The following SND1 variants were observed in gnomAD, a reference collection of about 807,000 sequenced individuals.
The protein encoded by SND1 is staphylococcal nuclease domain-containing protein 1.
In SND1, 38 loss-of-function variants were observed where a neutral mutation model predicts 121.7. That is an observed-to-expected ratio of 0.31 (90% CI 0.24 to 0.41). The LOEUF is 0.41. SND1 is among the 10% of genes least tolerant of loss of function. The pLI is 1.00. For synonymous variants in SND1, 401 were observed against 447.4 expected (o/e 0.90, Z 1.31); for missense variants, 868 against 1,184.6 (o/e 0.73, Z 3.92).
rs373841192 is a variant in SND1 at position 128,081,345 on chromosome 7, C to G, written c.1969-15C>G. 3.1e-6 allele frequency: 5 copies of G among 1,613,726 alleles called. No individual in the cohort carries two copies. The highest frequency in any genetic ancestry group is 4.2e-6 in the Non-Finnish European group (5 of 1,179,912). On this transcript the variant is annotated splice_polypyrimidine_tract_variant and intron_variant, in intron 17 of 23. Coordinates refer to ENST00000354725, the MANE Select transcript of SND1 (RefSeq NM_014390.4). ...TTCCTCGCCCTCTTCTCACCTCTGC[C>G]GACTGAACATGCAGGTCTGGGCCCA...
chr7:127,914,753 T>G (rs764727033), intron 14 of SND1, among the ~76,000 whole-genome samples: 1 of 152,158 alleles, frequency 6.6e-6, no homozygotes, highest in Non-Finnish European at 1.5e-5. Context: ...TCTTCTAGAA[T>G]ATAGTGGCAG....
At chr7:127,917,823 A>G (rs1224334211) in intron 14 of SND1, among the ~76,000 whole-genome samples, 1 of 152,244 alleles carries the variant, frequency 6.6e-6, no homozygotes, top group African/African-American at 2.4e-5. Flanking sequence ...TCACAGAGCA[A>G]ATTTCACATG....
intron 1 of SND1, among the ~76,000 whole-genome samples, chr7:127,671,261 A>C (rs1795512530): frequency 6.6e-6 from 1 of 152,202 alleles, no homozygotes; most frequent in Non-Finnish European, 1.5e-5. Flanking sequence ...ACTTTGAGAA[A>C]AGTTAGAATA....
At chr7:127,670,884 T>A (rs1400724432) in intron 1 of SND1, among the ~76,000 whole-genome samples, 1 of 151,858 alleles carries the variant, frequency 6.6e-6, no homozygotes, top group Non-Finnish European at 1.5e-5. Context: ...AAAAGGGATA[T>A]CTTTAAAACC....
chr7:127,851,687 C>A (rs972969022), intron 12 of SND1, among the ~76,000 whole-genome samples: 2 of 152,126 alleles, frequency 1.3e-5, no homozygotes, highest in Non-Finnish European at 2.9e-5. Flanking sequence ...GAAATTATTT[C>A]TATGCTTATA....
chr7:127,994,865 C>T (rs1802609373), intron 16 of SND1, among the ~76,000 whole-genome samples: 1 of 152,060 alleles, frequency 6.6e-6, no homozygotes, highest in South Asian at 2.1e-4. Context: ...GCCTGCACCA[C>T]CATGCTCGGC....
intron 10 of SND1, among the ~76,000 whole-genome samples, chr7:127,804,369 T>G (rs565714648): frequency 6.6e-6 from 1 of 152,324 alleles, no homozygotes; most frequent in African/African-American, 2.4e-5. Flanking sequence ...TGAAGGTGCC[T>G]TGTTTTTTAT....
chr7:128,059,086 C>T (rs1793189877), intron 16 of SND1, among the ~76,000 whole-genome samples: 1 of 152,214 alleles, frequency 6.6e-6, no homozygotes, highest in Non-Finnish European at 1.5e-5. Context: ...CCTTCTTCTA[C>T]CCTGCCACTT....
chr7:127,653,019 G>A (rs1415381083), intron 1 of SND1, among the ~76,000 whole-genome samples: 1 of 152,166 alleles, frequency 6.6e-6, no homozygotes, highest in African/African-American at 2.4e-5. Context: ...AGGCCGGCAA[G>A]AATCTTAGTA....
At chr7:127,773,218 C>T (rs531566907) in intron 10 of SND1, among the ~76,000 whole-genome samples, 1 of 152,288 alleles carries the variant, frequency 6.6e-6, no homozygotes, top group East Asian at 1.9e-4. Flanking sequence ...CTTTGGGAGG[C>T]CGAGGCGGGC....
rs1803205672 is a variant in SND1 at position 128,015,448 on chromosome 7, T to C, written c.1779+24392T>C. On this transcript the variant is annotated intron_variant, in intron 16 of 23. Coordinates refer to ENST00000354725, the MANE Select transcript of SND1 (RefSeq NM_014390.4). The surrounding 1 kb of genome is among the most constrained non-coding windows in gnomAD (Gnocchi z 4.5). ...ACCCACTTTGCTCCCTAAGTATTTA[T>C]AGGAGCTGAGAGTCAAAAAAGCACA... 6.6e-6 allele frequency among the ~76,000 whole-genome samples: 1 copy of C among 151,066 alleles called. No homozygotes were observed.
At chr7:127,710,804 A>G (rs1587612553) in intron 9 of SND1, among the ~76,000 whole-genome samples, 1 of 152,150 alleles carries the variant, frequency 6.6e-6, no homozygotes, top group East Asian at 1.9e-4. Flanking sequence ...GTTTTTTCAC[A>G]TAAGCACACA....
chr7:127,860,187 TGTGTGTCTTCTTGGTA>T (rs1278699132), intron 12 of SND1, among the ~76,000 whole-genome samples: 1 of 152,178 alleles, frequency 6.6e-6, no homozygotes, highest in African/African-American at 2.4e-5. Flanking sequence ...GCTTCCTTAA[TGTGTGTCTTCTTGGTA>T]ATGTAAAATT....
At chr7:128,056,404 C>T (rs573004540) in intron 16 of SND1, among the ~76,000 whole-genome samples, 1 of 152,212 alleles carries the variant, frequency 6.6e-6, no homozygotes, top group African/African-American at 2.4e-5. Context: ...GAAAAAAGGG[C>T]CTTGTTTCTC....
intron 10 of SND1, among the ~76,000 whole-genome samples, chr7:127,749,319 C>A (rs1295787611): frequency 6.6e-6 from 1 of 152,110 alleles, no homozygotes; most frequent in African/African-American, 2.4e-5. Flanking sequence ...ATACTTCTAG[C>A]CTTACGAAGA....
intron 11 of SND1, among the ~76,000 whole-genome samples, chr7:127,812,296 G>C (rs572013678): frequency 6.6e-6 from 1 of 152,312 alleles, no homozygotes; most frequent in Admixed American, 6.5e-5. Flanking sequence ...GCTATCAGGA[G>C]GTGGTAATAG....
At chr7:127,787,444 C>T (rs1797832713) in intron 10 of SND1, among the ~76,000 whole-genome samples, 1 of 152,106 alleles carries the variant, frequency 6.6e-6, no homozygotes, top group Non-Finnish European at 1.5e-5. Flanking sequence ...ACTATGTTGC[C>T]CAGGCTGGTC....
chr7:127,752,936 C>G (rs903017707), intron 10 of SND1, among the ~76,000 whole-genome samples: 6 of 152,234 alleles, frequency 3.9e-5, no homozygotes, highest in Non-Finnish European at 8.8e-5. Flanking sequence ...TATACTAATT[C>G]TGCCTCCTTG....
In SND1 at chr7:127,733,264, A is replaced by G. The variant is rs577134369; in HGVS notation, c.1152+11864A>G. 5.9e-5 allele frequency among the ~76,000 whole-genome samples: 9 copies of G among 152,262 alleles called. No homozygotes were observed. The South Asian group carries it at 1.0e-3, about 18-fold the overall frequency. ...TAATTGTAACCTACTGCCATGGATAATTGAGGGATGGAAAGTCCCTCACGG... is the reference window on the plus strand; with the variant it reads ...TAATTGTAACCTACTGCCATGGATAGTTGAGGGATGGAAAGTCCCTCACGG... On this transcript the variant is annotated intron_variant, in intron 10 of 23. Transcript: ENST00000354725.
Sources: allele counts gnomAD v4.1 joint callset (sites outside exome capture counted in the v4.1 genomes callset), GRCh38; gene constraint gnomAD v4.1.1; non-coding constraint Gnocchi (gnomAD v3.1); transcripts MANE v1.5; gene names NCBI Gene and HGNC (gene_info 2026-07-23, HGNC 2026-07-21).